GHR: variants seen among roughly 807,000 people sequenced by gnomAD.
GHR encodes growth hormone receptor, also known as GH receptor.
A neutral mutation model predicts 67.1 loss-of-function variants in GHR; 35 were observed. The ratio of observed to expected loss-of-function variants is 0.52; its 90% CI spans 0.40 to 0.69. The LOEUF (loss-of-function observed/expected upper bound fraction) is 0.69. GHR is among the 30% of genes least tolerant of loss of function. The probability of loss-of-function intolerance (pLI) is 0.00; values close to 1 mark genes in which losing one functional copy is unlikely to be tolerated. For missense variants in GHR, 792 were observed against 764.6 expected, an observed-to-expected ratio of 1.04 and a Z score of -0.42; for synonymous variants, 272 against 269.1, an observed-to-expected ratio of 1.01 and a Z score of -0.10.
intron 1 of GHR, among the ~76,000 whole-genome samples, chr5:42,512,723 A>G (rs561569189): frequency 2.6e-5 from 4 of 152,070 alleles, no homozygotes; most frequent in Non-Finnish European, 4.4e-5. Flanking sequence ...ACACTTGACT[A>G]TCAGGCTGCC....
At chr5:42,686,261 G>A (rs528299119) in intron 3 of GHR, among the ~76,000 whole-genome samples, 1 of 152,102 alleles carries the variant, frequency 6.6e-6, no homozygotes, top group African/African-American at 2.4e-5. Flanking sequence ...TGGATGTGTG[G>A]TGTTATTTCT....
At chr5:42,579,179 G>A (rs1401589640) in intron 2 of GHR, among the ~76,000 whole-genome samples, 2 of 148,780 alleles carry the variant, frequency 1.3e-5, no homozygotes, top group African/African-American at 5.1e-5. Context: ...TAGATAGATA[G>A]ATAGATAGAT....
chr5:42,591,258 G>A (rs1283643185), intron 2 of GHR, among the ~76,000 whole-genome samples: 4 of 152,200 alleles, frequency 2.6e-5, no homozygotes, highest in Admixed American at 1.3e-4. Flanking sequence ...TGGGGCAGAC[G>A]CTTTTCGCAT....
intron 1 of GHR, among the ~76,000 whole-genome samples, chr5:42,513,279 T>A (rs780521660): frequency 3.9e-5 from 6 of 152,154 alleles, no homozygotes; most frequent in African/African-American, 1.4e-4. Context: ...TCTTAAATCA[T>A]CTCCTAGGGC....
chr5:42,552,622 A>G lies in GHR; in HGVS notation c.-11-13242A>G, dbSNP rs576559771. On this transcript the variant is annotated intron_variant, in intron 1 of 9. Transcript: ENST00000230882. ...CTTAGCCAAACTTAAGAGATGAGCCAATACACCAAAATGCCAATATATTTG... is the reference window on the plus strand; with the variant it reads ...CTTAGCCAAACTTAAGAGATGAGCCGATACACCAAAATGCCAATATATTTG... Among the ~76,000 whole-genome samples the G allele has an allele frequency of 3.3e-5, 5 of 152,344 alleles. No homozygotes were observed. The South Asian group carries it at 1.0e-3, about 32-fold the overall frequency.
At chr5:42,642,186 C>T (rs1225839053) in intron 3 of GHR, among the ~76,000 whole-genome samples, 3 of 152,018 alleles carry the variant, frequency 2.0e-5, no homozygotes, top group Non-Finnish European at 4.4e-5. Context: ...CCAAGATTTC[C>T]CAAATTACCA....
intron 3 of GHR, among the ~76,000 whole-genome samples, chr5:42,669,321 C>T (rs964290179): frequency 1.3e-5 from 2 of 152,102 alleles, no homozygotes; most frequent in African/African-American, 4.8e-5. Context: ...TTTCAAGCTT[C>T]AAAAATGAAA....
intron 1 of GHR, among the ~76,000 whole-genome samples, chr5:42,501,655 T>C (rs549900123): frequency 3.9e-5 from 6 of 152,156 alleles, no homozygotes; most frequent in Non-Finnish European, 7.3e-5. Context: ...TTCCTTCCCC[T>C]CAACTCATGA....
chr5:42,563,689 T>C (rs1183866732), intron 1 of GHR, among the ~76,000 whole-genome samples: 4 of 146,886 alleles, frequency 2.7e-5, no homozygotes, highest in Non-Finnish European at 3.0e-5. Flanking sequence ...ACACCTATAG[T>C]CCCAGCTACT....
intron 1 of GHR, chr5:42,467,875 T>C (rs1176508245): frequency 1.2e-6 from 1 of 850,772 alleles, no homozygotes; most frequent in Non-Finnish European, 1.9e-6. Flanking sequence ...TTCCCACAGA[T>C]TTCTTACATT....
chr5:42,479,395 C>G (rs189162352), intron 1 of GHR, among the ~76,000 whole-genome samples: 239 of 152,260 alleles, frequency 1.6e-3, no homozygotes, highest in African/African-American at 3.8e-3. Flanking sequence ...TGATGCTAGC[C>G]TCATAAAATG....
chr5:42,526,127 G>A (rs1298221648), intron 1 of GHR, among the ~76,000 whole-genome samples: 1 of 151,942 alleles, frequency 6.6e-6, no homozygotes. Flanking sequence ...AGTTGTGAAT[G>A]CAAAGGAAAA....
intron 2 of GHR, among the ~76,000 whole-genome samples, chr5:42,627,573 G>A (rs1011400119): frequency 1.3e-5 from 2 of 152,208 alleles, no homozygotes; most frequent in African/African-American, 2.4e-5. Flanking sequence ...TGAAATGAGC[G>A]AGTTCCCTGA....
At chr5:42,554,009 T>C (rs577984074) in intron 1 of GHR, among the ~76,000 whole-genome samples, 11 of 152,252 alleles carry the variant, frequency 7.2e-5, no homozygotes, top group African/African-American at 2.4e-4. Context: ...GGGCAACTTT[T>C]GGGGGCAGAT....
chr5:42,550,293 T>G (rs371004883), intron 1 of GHR, among the ~76,000 whole-genome samples: 20 of 152,140 alleles, frequency 1.3e-4, no homozygotes, highest in African/African-American at 4.3e-4. Context: ...TGGGCTTAAC[T>G]TACCCCATTT....
chr5:42,583,746 C>A (rs777568137), intron 2 of GHR, among the ~76,000 whole-genome samples: 10 of 151,958 alleles, frequency 6.6e-5, no homozygotes, highest in Non-Finnish European at 1.2e-4. Flanking sequence ...GTTTCTTTGT[C>A]CCTCATTTTC....
At chr5:42,690,755 A>G (rs1757385064) in intron 4 of GHR, among the ~76,000 whole-genome samples, 1 of 152,204 alleles carries the variant, frequency 6.6e-6, no homozygotes, top group Non-Finnish European at 1.5e-5. Context: ...CACCAAGTAT[A>G]CTATATTTTT....
intron 3 of GHR, among the ~76,000 whole-genome samples, chr5:42,665,757 G>T (rs572830047): frequency 4.1e-4 from 58 of 142,462 alleles, no homozygotes; most frequent in Non-Finnish European, 7.7e-4. Context: ...AATAATAAAA[G>T]AAAAAAAAAG....
chr5:42,521,930 C>T lies in GHR; in HGVS notation c.-11-43934C>T, dbSNP rs144229921. On this transcript the variant is annotated intron_variant, in intron 1 of 9. Coordinates refer to ENST00000230882, the MANE Select transcript of GHR (RefSeq NM_000163.5). ...AATTTGGCAAAGCTTATTTGCATTT[C>T]CCAAATTAACAATTTTGGCCAAGAG... 7.1e-4 allele frequency among the ~76,000 whole-genome samples: 108 copies of T among 152,242 alleles called. 1 individual carries two copies. The East Asian group carries it at 0.019, about 26-fold the overall frequency.
Sources: gnomAD v4.1 joint callset for allele counts (sites outside exome capture counted in the v4.1 genomes callset) on GRCh38, gnomAD v4.1.1 for gene constraint, MANE v1.5 for transcripts, NCBI Gene and HGNC (gene_info 2026-07-23, HGNC 2026-07-21) for gene names.